The following RECK variants were observed in gnomAD, a reference collection of about 807,000 sequenced individuals.
RECK encodes reversion inducing cysteine rich protein with kazal motifs, also known as reversion-inducing cysteine-rich protein with Kazal motifs.
Under a neutral mutation model 115.1 loss-of-function variants are expected in RECK, and 69 were observed. That is an observed-to-expected ratio of 0.60 (90% CI 0.49 to 0.73). The LOEUF (loss-of-function observed/expected upper bound fraction) is 0.73. Ranked by LOEUF, RECK falls within the 30% of genes least tolerant of loss-of-function variation. The pLI is 0.00. For synonymous variants in RECK, 414 were observed against 419.7 expected, an observed-to-expected ratio of 0.99 and a Z score of 0.17; for missense variants, 1,047 against 1,203.7, an observed-to-expected ratio of 0.87 and a Z score of 1.93.
At chr9:36,073,864 T>C (rs1252636796) in intron 6 of RECK, among the ~76,000 whole-genome samples, 1 of 152,204 alleles carries the variant, frequency 6.6e-6, no homozygotes, top group Non-Finnish European at 1.5e-5. Context: ...ACAAAAAGTA[T>C]AGTATATTGG....
chr9:36,077,160 A>T (rs1318586569), intron 6 of RECK, among the ~76,000 whole-genome samples: 1 of 152,124 alleles, frequency 6.6e-6, no homozygotes, highest in Admixed American at 6.5e-5. Context: ...GGGAGCAGTT[A>T]TATGGGGGCA....
intron 16 of RECK, among the ~76,000 whole-genome samples, chr9:36,116,443 G>A (rs7847459): frequency 0.62 from 94,601 of 152,062 alleles, 29,618 homozygotes; most frequent in East Asian, 0.74. Flanking sequence ...TTTTCTTAAG[G>A]TAGACTCATA....
intron 2 of RECK, among the ~76,000 whole-genome samples, chr9:36,054,277 G>A (rs1158325717): frequency 6.6e-6 from 1 of 152,184 alleles, no homozygotes; most frequent in Non-Finnish European, 1.5e-5. Context: ...AAAAGATATG[G>A]TTTGAGGAGA....
At chr9:36,049,157 A>G (rs1234635270) in intron 1 of RECK, among the ~76,000 whole-genome samples, 1 of 152,204 alleles carries the variant, frequency 6.6e-6, no homozygotes, top group Non-Finnish European at 1.5e-5. Context: ...AATCAGGTGC[A>G]TCATCTTCCC....
In RECK at chr9:36,036,940, G is replaced by A; in HGVS notation, c.-59G>A. The A allele has an allele frequency of 8.6e-7, 1 of 1,159,696 alleles. No individual in the cohort carries two copies. Among genetic ancestry groups the A allele is most frequent in the South Asian group, 2.6e-5 (1 of 38,880 alleles). The allele number at this position is 1,159,696 out of a possible 1,614,324, so 71.8% of individuals were successfully genotyped here. A position where few individuals can be genotyped will look rare whatever the true frequency, so the allele number is the denominator to read the frequency against. ...GCGAGCGGCGGCGGTAGCGGCGGCA[G>A]CGGCTGCGGCCAAGCTGGGTCCGAG... On this transcript the variant is annotated 5_prime_UTR_variant, in exon 1 of 21. Transcript: ENST00000377966.
At chr9:36,097,968 A>G (rs1588325050) in intron 10 of RECK, among the ~76,000 whole-genome samples, 1 of 152,288 alleles carries the variant, frequency 6.6e-6, no homozygotes, top group South Asian at 2.1e-4. Context: ...TGTGGAATCT[A>G]AAAAAATCAA....
chr9:36,037,192 AC>A, intron 1 of RECK, 94 bp downstream of exon 1: 6 of 443,628 alleles, frequency 1.4e-5, no homozygotes, highest in Non-Finnish European at 1.2e-5. Flanking sequence ...GGTGCGCGCG[AC>A]CCCCAGACCC....
chr9:36,115,465 GC>G (rs1175099603), intron 16 of RECK, among the ~76,000 whole-genome samples: 1 of 151,876 alleles, frequency 6.6e-6, no homozygotes, highest in Non-Finnish European at 1.5e-5. Flanking sequence ...ACTTTTATTT[GC>G]CCCCAGATTC....
chr9:36,095,848 A>C (rs1009883326), intron 10 of RECK, among the ~76,000 whole-genome samples: 2 of 151,118 alleles, frequency 1.3e-5, no homozygotes, highest in African/African-American at 4.9e-5. Flanking sequence ...AGGTGGGTGG[A>C]TCACCTGAGG....
chr9:36,073,221 G>GAC lies in RECK; in HGVS notation c.406-7376_406-7375dup, dbSNP rs1320843934. On this transcript the variant is annotated intron_variant, in intron 6 of 20. Coordinates refer to ENST00000377966, the MANE Select transcript of RECK (RefSeq NM_021111.3). ...TTCCACCCCTAAACAGCAACACACAGACACACACAGACACACACAGACACA... is the reference window on the plus strand; with the variant it reads ...TTCCACCCCTAAACAGCAACACACAGACACACACACAGACACACACAGACACA... Among the ~76,000 whole-genome samples the GAC allele has an allele frequency of 8.3e-3, 1,108 of 134,078 alleles. 14 individuals carry two copies. The highest frequency in any genetic ancestry group is 0.038 in the East Asian group (162 of 4,292). The allele number at this position is 134,078 out of a possible 152,430, so 88.0% of individuals were successfully genotyped here. A position where few individuals can be genotyped will look rare whatever the true frequency, so the allele number is the denominator to read the frequency against.
intron 10 of RECK, among the ~76,000 whole-genome samples, chr9:36,098,606 A>G (rs112416013): frequency 1.3e-3 from 203 of 152,298 alleles, no homozygotes; most frequent in African/African-American, 4.5e-3. Context: ...TTTATCCTGA[A>G]GCATTTACCC....
chr9:36,071,794 C>T (rs1822240132), intron 6 of RECK, among the ~76,000 whole-genome samples: 2 of 152,098 alleles, frequency 1.3e-5, no homozygotes, highest in African/African-American at 2.4e-5. Flanking sequence ...ATTGTTCTGC[C>T]ATGGGGCTCT....
chr9:36,037,245 C>G (rs1820702267), intron 1 of RECK, 147 bp downstream of exon 1: 2 of 442,114 alleles, frequency 4.5e-6, no homozygotes, highest in Non-Finnish European at 7.4e-6. Flanking sequence ...TCTCAGCGCT[C>G]CAGAGGCTGG....
At chr9:36,073,973 G>C (rs1822345071) in intron 6 of RECK, among the ~76,000 whole-genome samples, 1 of 152,068 alleles carries the variant, frequency 6.6e-6, no homozygotes, top group Non-Finnish European at 1.5e-5. Flanking sequence ...GCCATGGGTG[G>C]AGGTATTTGC....
At chr9:36,082,189 C>CTCTCTCTCTCTCA (rs1228719052) in intron 7 of RECK, among the ~76,000 whole-genome samples, 3 of 55,540 alleles carry the variant, frequency 5.4e-5, no homozygotes, top group South Asian at 1.0e-3. Flanking sequence ...TCTCTCTCTC[C>CTCTCTCTCTCTCA]TTTTTTCTTT....
At chr9:36,051,657 A>G (rs1297598480) in intron 1 of RECK, among the ~76,000 whole-genome samples, 2 of 152,042 alleles carry the variant, frequency 1.3e-5, no homozygotes, top group African/African-American at 4.8e-5. Flanking sequence ...CATATCTCAG[A>G]TGTTACTCTT....
At chr9:36,101,971 T>C (rs2132652331) in intron 11 of RECK, 123 bp from the exon 12 acceptor site, 1 of 924,538 alleles carries the variant, frequency 1.1e-6, no homozygotes, top group South Asian at 1.8e-5. Context: ...ACTCTTGTTC[T>C]CTTTTGAAAC....
chr9:36,066,897 A>G (rs1822024483), intron 6 of RECK: 1 of 1,219,806 alleles, frequency 8.2e-7, no homozygotes, highest in African/African-American at 1.6e-5. Flanking sequence ...GTCCTATGAT[A>G]GAAATACTAA....
At chr9:36,098,139 G>C (rs1422512200) in intron 10 of RECK, among the ~76,000 whole-genome samples, 2 of 152,182 alleles carry the variant, frequency 1.3e-5, no homozygotes, top group East Asian at 1.9e-4. Flanking sequence ...AAGTTCAAGA[G>C]ATCTGTTATA....
Sources: allele counts gnomAD v4.1 joint callset (sites outside exome capture counted in the v4.1 genomes callset), GRCh38; gene constraint gnomAD v4.1.1; transcripts MANE v1.5; gene names NCBI Gene and HGNC (gene_info 2026-07-23, HGNC 2026-07-21).